The following POLD3 variants were observed in gnomAD, a reference collection of about 807,000 sequenced individuals.
POLD3 encodes the protein DNA polymerase delta subunit 3.
A neutral mutation model predicts 58.2 loss-of-function variants in POLD3; 19 were observed. That is an observed-to-expected ratio of 0.33 (90% CI 0.23 to 0.48). POLD3 has a LOEUF of 0.48. Ranked by LOEUF, POLD3 falls within the 20% of genes least tolerant of loss-of-function variation. The pLI is 0.99. For missense variants in POLD3, 504 were observed against 545.5 expected, an observed-to-expected ratio of 0.92 and a Z score of 0.76; for synonymous variants, 172 against 193.5, an observed-to-expected ratio of 0.89 and a Z score of 0.92.
In POLD3 at chr11:74,618,615, G is replaced by A; in HGVS notation, c.471G>A (p.Gln157=). The change falls in exon 6 of 12, where the codon CAG becomes CAA. Residue 157 remains glutamine, a synonymous_variant. Transcript: ENST00000263681. Reference sequence around the variant, plus strand: ...CTTCGTCTTCCAAAAAGTTTGAGCAGTCACATCTTCACATGTCAAGTGAGA... The same window carrying A: ...CTTCGTCTTCCAAAAAGTTTGAGCAATCACATCTTCACATGTCAAGTGAGA... The part of the protein sequence containing the change: ...ESSSSSKKFE[Q]SHLHMSSETQ... 5 of 1,614,058 alleles carry A rather than the reference G, an allele frequency of 3.1e-6. No individual in the cohort carries two copies. Among genetic ancestry groups the A allele is most frequent in the South Asian group, 2.2e-5 (2 of 91,074 alleles).
chr11:74,653,675 G>A (rs140910013), intron 4 of POLD3, among the ~76,000 whole-genome samples: 1 of 151,966 alleles, frequency 6.6e-6, no homozygotes, highest in African/African-American at 2.4e-5. Context: ...GCAATAAAAA[G>A]ACATTAGACT....
At chr11:74,614,568 G>C (rs2032021134) in intron 5 of POLD3, among the ~76,000 whole-genome samples, 1 of 152,136 alleles carries the variant, frequency 6.6e-6, no homozygotes, top group Non-Finnish European at 1.5e-5. Flanking sequence ...AAATTAGCTG[G>C]GCACGGTGGC....
At chr11:74,598,308 G>A (rs534006021) in intron 2 of POLD3, among the ~76,000 whole-genome samples, 7 of 152,146 alleles carry the variant, frequency 4.6e-5, no homozygotes, top group Non-Finnish European at 8.8e-5. Context: ...ATGGGTATAC[G>A]GTTATCCCAG....
chr11:74,614,816 T>G (rs1159450839), intron 5 of POLD3, among the ~76,000 whole-genome samples: 1 of 152,076 alleles, frequency 6.6e-6, no homozygotes, highest in Non-Finnish European at 1.5e-5. Context: ...ATACCCATGC[T>G]TCTGGCTTGG....
intron 2 of POLD3, among the ~76,000 whole-genome samples, chr11:74,601,670 C>T (rs559790428): frequency 4.4e-4 from 67 of 152,206 alleles, no homozygotes; most frequent in African/African-American, 1.6e-3. Context: ...CACCTGTGGT[C>T]CTGTTTACTT....
chr11:74,666,083 C>T (rs920446109), intron 4 of POLD3, among the ~76,000 whole-genome samples: 4 of 152,198 alleles, frequency 2.6e-5, no homozygotes, highest in African/African-American at 4.8e-5. Context: ...AATGTACAAA[C>T]ATCAATTATA....
intron 2 of POLD3, among the ~76,000 whole-genome samples, chr11:74,601,679 T>C (rs1259539364): frequency 2.6e-5 from 4 of 152,160 alleles, no homozygotes; most frequent in African/African-American, 9.7e-5. Context: ...TCCTGTTTAC[T>C]TAGGAGGCTG....
At chr11:74,637,953 G>A (rs142914110) in intron 11 of POLD3, among the ~76,000 whole-genome samples, 1 of 152,114 alleles carries the variant, frequency 6.6e-6, no homozygotes, top group East Asian at 1.9e-4. Context: ...TCCTGTGCTG[G>A]ATCAGATTTG....
intron 4 of POLD3, among the ~76,000 whole-genome samples, chr11:74,654,803 T>C (rs1486635152): frequency 2.6e-5 from 4 of 151,582 alleles, no homozygotes; most frequent in African/African-American, 9.7e-5. Context: ...CCCGGGGTAT[T>C]GAAAGAAAAA....
intron 4 of POLD3, among the ~76,000 whole-genome samples, chr11:74,650,782 G>A (rs1180744897): frequency 6.6e-6 from 1 of 152,198 alleles, no homozygotes; most frequent in Non-Finnish European, 1.5e-5. Flanking sequence ...AAGTTTCAAG[G>A]CAGCAGAGGC....
At chr11:74,598,361 TTA>T (rs2031352701) in intron 2 of POLD3, among the ~76,000 whole-genome samples, 1 of 152,202 alleles carries the variant, frequency 6.6e-6, no homozygotes, top group Non-Finnish European at 1.5e-5. Flanking sequence ...TTCTTGCTAA[TTA>T]TATGTCTTTC....
chr11:74,626,430 C>G (rs1181413929), intron 8 of POLD3, among the ~76,000 whole-genome samples: 3 of 152,110 alleles, frequency 2.0e-5, no homozygotes. Context: ...TCCAAGTCTG[C>G]TAAGAGGTTT....
rs771436707 is a variant in POLD3, at chr11:74,611,545, GT to G, written c.259+11del. The G allele has an allele frequency of 6.5e-7, 1 of 1,546,666 alleles. No individual in the cohort carries two copies. The highest frequency in any genetic ancestry group is 8.8e-7 in the Non-Finnish European group (1 of 1,130,468). ...AGAGAAGATAAATTGGAAGGTAAGT[GT>G]TTTAGTGACTTAGCAAGTTTTTCCT... On this transcript the variant is annotated splice_region_variant and intron_variant, in intron 4 of 11. Coordinates refer to ENST00000263681, the MANE Select transcript of POLD3 (RefSeq NM_006591.3).
intron 8 of POLD3, among the ~76,000 whole-genome samples, chr11:74,627,835 C>T (rs2032476285): frequency 6.6e-6 from 1 of 152,106 alleles, no homozygotes; most frequent in African/African-American, 2.4e-5. Flanking sequence ...GATGTTCACA[C>T]AGTGAAGTCA....
chr11:74,651,664 T>C (rs1228250934), intron 4 of POLD3, among the ~76,000 whole-genome samples: 1 of 152,214 alleles, frequency 6.6e-6, no homozygotes, highest in Non-Finnish European at 1.5e-5. Flanking sequence ...AGATAAGTAG[T>C]TGACCAGGCA....
rs377226010 is a variant in POLD3, at chr11:74,612,880, G to A, written c.262G>A (p.Val88Met). ...CTGCTTTTCCTGTTGACTTGTAGCA[G>A]TGAAGTCCAAGCTAGCTGTGACTGC... ...AVVREDKLEAVKSKLAVTASI... is the reference protein window; with the variant it reads ...AVVREDKLEAMKSKLAVTASI... Residue 88 changes from valine (V) to methionine (M), a missense_variant and splice_region_variant, in exon 5 of 12, where the codon GTG (valine) becomes ATG (methionine). Physicochemically the swap from Val to Met is conservative, Grantham distance 21. Around this residue, in one of 2 missense-constraint regions of POLD3, gnomAD observed 119 missense variants for 175.0 expected, o/e 0.68. Transcript: ENST00000263681. 8.7e-6 allele frequency: 14 copies of A among 1,607,816 alleles called. No individual in the cohort carries two copies. In the African/African-American group the frequency reaches 1.2e-4, roughly 14 times the overall value.
At chr11:74,664,299 C>T (rs2033240148) in intron 4 of POLD3, among the ~76,000 whole-genome samples, 2 of 152,120 alleles carry the variant, frequency 1.3e-5, no homozygotes, top group South Asian at 2.1e-4. Flanking sequence ...AAAATGAAAA[C>T]ATACATCCAT....
intron 4 of POLD3, 81 bp from the exon 5 acceptor site, chr11:74,612,797 A>T: frequency 1.6e-6 from 2 of 1,237,934 alleles, no homozygotes; most frequent in Non-Finnish European, 2.3e-6. Context: ...AAATGCTTTA[A>T]TGCAGAAGGG....
intron 2 of POLD3, among the ~76,000 whole-genome samples, chr11:74,597,372 A>G (rs932803320): frequency 6.6e-6 from 1 of 152,170 alleles, no homozygotes; most frequent in African/African-American, 2.4e-5. Context: ...TTTTGCACTT[A>G]TATTTAATTC....
Sources: gnomAD v4.1 joint callset for allele counts (sites outside exome capture counted in the v4.1 genomes callset) on GRCh38, gnomAD v4.1.1 for gene constraint, gnomAD v4.1.1 regional missense constraint, MANE v1.5 for transcripts, NCBI Gene and HGNC (gene_info 2026-07-23, HGNC 2026-07-21) for gene names.